Variants in GRM3 observed in about 807,000 individuals in gnomAD.
GRM3 encodes the protein metabotropic glutamate receptor 3.
Under a neutral mutation model 70.5 loss-of-function variants are expected in GRM3, and 26 were observed. The ratio of observed to expected loss-of-function variants is 0.37; its 90% CI spans 0.27 to 0.51. GRM3 has a LOEUF of 0.51. Among genes scored for constraint, GRM3 ranks in the 20% least tolerant of loss-of-function variants. The pLI, the probability that GRM3 is intolerant of heterozygous loss-of-function variation, is 0.93. For missense variants in GRM3, 859 were observed against 1,123.8 expected, an observed-to-expected ratio of 0.76 and a Z score of 3.37; for synonymous variants, 443 against 434.9, an observed-to-expected ratio of 1.02 and a Z score of -0.23.
Position 86,703,065 on chromosome 7 carries a change from T to C in GRM3, c.-141+58193T>C, listed in dbSNP as rs75473932. Among the ~76,000 whole-genome samples, 168 of 152,118 alleles carry C rather than the reference T, an allele frequency of 1.1e-3. 3 individuals carry two copies. The East Asian group carries it at 0.022, about 20-fold the overall frequency. On this transcript the variant is annotated intron_variant, in intron 1 of 5. Coordinates refer to ENST00000361669, the MANE Select transcript of GRM3 (RefSeq NM_000840.3). ...CATAGTAATGATTACCTGTGGTTTTTCTCACTGGAAACCCTGACAATGAGA... is the reference window on the plus strand; with the variant it reads ...CATAGTAATGATTACCTGTGGTTTTCCTCACTGGAAACCCTGACAATGAGA...
intron 1 of GRM3, among the ~76,000 whole-genome samples, chr7:86,713,702 C>T (rs779494035): frequency 6.6e-6 from 1 of 151,928 alleles, no homozygotes; most frequent in East Asian, 1.9e-4. Context: ...ATGGCCAGGG[C>T]AGCAGAAATA....
At chr7:86,788,206 T>C (rs1346742244) in intron 3 of GRM3, among the ~76,000 whole-genome samples, 4 of 152,224 alleles carry the variant, frequency 2.6e-5, no homozygotes, top group African/African-American at 9.6e-5. Context: ...CAGATCATAC[T>C]ACCATTGGCG....
At chr7:86,715,975 T>A (rs1795304720) in intron 1 of GRM3, among the ~76,000 whole-genome samples, 1 of 151,998 alleles carries the variant, frequency 6.6e-6, no homozygotes, top group African/African-American at 2.4e-5. Context: ...AGAACTCACC[T>A]GAAGCACAGA....
chr7:86,783,433 A>G (rs1253676905), intron 2 of GRM3, among the ~76,000 whole-genome samples: 1 of 152,216 alleles, frequency 6.6e-6, no homozygotes, highest in East Asian at 1.9e-4. Context: ...ACCTAGCAGA[A>G]CTGTTTTTGC....
intron 1 of GRM3, among the ~76,000 whole-genome samples, chr7:86,725,030 A>G (rs1795558964): frequency 6.6e-6 from 1 of 151,934 alleles, no homozygotes; most frequent in Non-Finnish European, 1.5e-5. Flanking sequence ...GATAATTCTT[A>G]TCATTAGCCT....
At chr7:86,763,614 G>A (rs149120656) in intron 1 of GRM3, among the ~76,000 whole-genome samples, 197 of 152,208 alleles carry the variant, frequency 1.3e-3, no homozygotes, top group East Asian at 0.01. Context: ...ATACGTTCTA[G>A]CCTAGAATGT....
At chr7:86,746,222 A>G (rs1796097745) in intron 1 of GRM3, among the ~76,000 whole-genome samples, 1 of 151,092 alleles carries the variant, frequency 6.6e-6, no homozygotes, top group Admixed American at 6.6e-5. Context: ...TCTGTTCTTA[A>G]GTGGAGGCAG....
chr7:86,764,137 G>T (rs979530842), intron 1 of GRM3, among the ~76,000 whole-genome samples: 1 of 152,092 alleles, frequency 6.6e-6, no homozygotes, highest in African/African-American at 2.4e-5. Flanking sequence ...TGTGGGTAAA[G>T]CTGTTTAACA....
At chr7:86,780,783 A>G (rs1797032940) in intron 2 of GRM3, among the ~76,000 whole-genome samples, 1 of 152,186 alleles carries the variant, frequency 6.6e-6, no homozygotes, top group South Asian at 2.1e-4. Flanking sequence ...CAGTCAGTAA[A>G]CGAATGTTTA....
At chr7:86,808,883 G>A (rs1797852433) in intron 3 of GRM3, among the ~76,000 whole-genome samples, 1 of 152,058 alleles carries the variant, frequency 6.6e-6, no homozygotes, top group South Asian at 2.1e-4. Context: ...GGAAGAGACA[G>A]AAGAAATAAG....
chr7:86,653,861 TTA>T (rs1562813958), intron 1 of GRM3, among the ~76,000 whole-genome samples: 1 of 152,172 alleles, frequency 6.6e-6, no homozygotes, highest in Non-Finnish European at 1.5e-5. Flanking sequence ...AATGAAAAGA[TTA>T]TTTCTTAGAA....
intron 1 of GRM3, among the ~76,000 whole-genome samples, chr7:86,686,454 C>T (rs917289944): frequency 6.6e-6 from 1 of 152,140 alleles, no homozygotes; most frequent in Admixed American, 6.5e-5. Context: ...TATAAATCAC[C>T]AGGGGGTTGC....
intron 3 of GRM3, among the ~76,000 whole-genome samples, chr7:86,791,208 T>C (rs549916028): frequency 6.6e-5 from 10 of 152,342 alleles, no homozygotes; most frequent in Non-Finnish European, 1.5e-4. Context: ...ATACTCAGCA[T>C]GGTTTCTGGC....
intron 1 of GRM3, among the ~76,000 whole-genome samples, chr7:86,646,012 GGGGT>G (rs1562811294): frequency 8.1e-4 from 62 of 76,920 alleles, no homozygotes; most frequent in African/African-American, 3.0e-3. Flanking sequence ...GGGGTGGGGG[GGGGT>G]GGGAGGGAGT....
intron 1 of GRM3, among the ~76,000 whole-genome samples, chr7:86,658,201 G>C (rs1205478515): frequency 6.6e-6 from 1 of 152,178 alleles, no homozygotes; most frequent in Non-Finnish European, 1.5e-5. Context: ...CATCCACATG[G>C]CTACAGCCAA....
intron 4 of GRM3, among the ~76,000 whole-genome samples, chr7:86,846,036 T>C (rs956093921): frequency 6.6e-6 from 1 of 151,312 alleles, no homozygotes; most frequent in Admixed American, 6.6e-5. Flanking sequence ...CTTAGGGTCT[T>C]GCCTTCTTTT....
intron 1 of GRM3, among the ~76,000 whole-genome samples, chr7:86,740,913 G>A (rs374918307): frequency 1.3e-4 from 20 of 152,176 alleles, no homozygotes; most frequent in Non-Finnish European, 2.2e-4. Flanking sequence ...GAGCACGTCC[G>A]CTGAAGATGT....
chr7:86,864,460 T>C lies in GRM3; in HGVS notation c.*105T>C, dbSNP rs1799023627. Reference sequence around the variant, plus strand: ...GAGCAAAAGAACAACCCTAGTACCTTTTTTTAGAAACAGTACGATAAATTA... The same window carrying C: ...GAGCAAAAGAACAACCCTAGTACCTCTTTTTAGAAACAGTACGATAAATTA... On this transcript the variant is annotated 3_prime_UTR_variant, in exon 6 of 6. Coordinates refer to ENST00000361669, the MANE Select transcript of GRM3 (RefSeq NM_000840.3). 14 of 823,374 alleles carry C rather than the reference T, an allele frequency of 1.7e-5. No individual in the cohort carries two copies. The highest frequency in any genetic ancestry group is 2.3e-4 in the Middle Eastern group (1 of 4,424). 51.0% of individuals were successfully genotyped at this position (823,374 alleles called of 1,614,324 possible). A position where few individuals can be genotyped will look rare whatever the true frequency, so the allele number is the denominator to read the frequency against.
intron 2 of GRM3, among the ~76,000 whole-genome samples, chr7:86,780,764 G>A (rs1206124807): frequency 6.6e-6 from 1 of 152,122 alleles, no homozygotes; most frequent in East Asian, 1.9e-4. Flanking sequence ...TGTTATCTCT[G>A]TTGATGGCCA....
Sources: allele counts gnomAD v4.1 joint callset (sites outside exome capture counted in the v4.1 genomes callset), GRCh38; gene constraint gnomAD v4.1.1; transcripts MANE v1.5; gene names NCBI Gene and HGNC (gene_info 2026-07-23, HGNC 2026-07-21).